The following ATXN2 variants were observed in gnomAD, a reference collection of about 807,000 sequenced individuals.
ATXN2 encodes ataxin 2, also known as ataxin-2.
Under a neutral mutation model 138.6 loss-of-function variants are expected in ATXN2, and 37 were observed. That is an observed-to-expected ratio of 0.27 (90% CI 0.21 to 0.35). The LOEUF (loss-of-function observed/expected upper bound fraction) is 0.35. Among genes scored for constraint, ATXN2 ranks in the 10% least tolerant of loss-of-function variants. The pLI is 1.00. For synonymous variants in ATXN2, 549 were observed against 543.7 expected, an observed-to-expected ratio of 1.01 and a Z score of -0.13; for missense variants, 1,216 against 1,480.3, an observed-to-expected ratio of 0.82 and a Z score of 2.93.
intron 14 of ATXN2, among the ~76,000 whole-genome samples, chr12:111,493,828 C>T (rs972970795): frequency 2.0e-5 from 3 of 152,032 alleles, no homozygotes; most frequent in African/African-American, 7.2e-5. Context: ...AGAGTTTCAC[C>T]ACGTTGGTCA....
chr12:111,488,423 A>G, intron 15 of ATXN2, 53 bp downstream of exon 15: 1 of 1,546,420 alleles, frequency 6.5e-7, no homozygotes, highest in Non-Finnish European at 8.7e-7. Context: ...ATGCCTTTAA[A>G]AAAAAAAAAG....
chr12:111,485,297 A>G lies in ATXN2; in HGVS notation c.2492T>C (p.Val831Ala). ...TGCTCTATATGTCTTGGCTTGATTC[A>G]CTGGCATGGGCGTCATAGGTATTGG... Reference protein sequence around the residue: ...LYPIPMTPMPVNQAKTYRAGK... With the variant: ...LYPIPMTPMPANQAKTYRAGK... The change falls in exon 18 of 25, where the codon GTG (valine) becomes GCG (alanine). Residue 831 changes from valine to alanine, a missense_variant. This residue lies in a region of ATXN2 where 490 missense variants were observed against 653.5 expected (regional missense o/e 0.75). Transcript: ENST00000673436. 1 of 1,613,116 alleles carries G rather than the reference A, an allele frequency of 6.2e-7. No homozygotes were observed. Among genetic ancestry groups the G allele is most frequent in the Non-Finnish European group, 8.5e-7 (1 of 1,179,428 alleles).
At chr12:111,461,606 C>T (rs1053907136) in intron 21 of ATXN2, among the ~76,000 whole-genome samples, 1 of 151,590 alleles carries the variant, frequency 6.6e-6, no homozygotes, top group African/African-American at 2.4e-5. Flanking sequence ...GACAGTGACA[C>T]AAAGCAGGGT....
intron 1 of ATXN2, among the ~76,000 whole-genome samples, chr12:111,567,763 G>A (rs1202400785): frequency 6.6e-6 from 1 of 151,872 alleles, no homozygotes; most frequent in South Asian, 2.1e-4. Context: ...GCAGTGGGCC[G>A]AGATTGGGCC....
chr12:111,585,440 G>A (rs1322489109), intron 1 of ATXN2, among the ~76,000 whole-genome samples: 2 of 151,882 alleles, frequency 1.3e-5, no homozygotes, highest in East Asian at 1.9e-4. Flanking sequence ...TAGAAGCTGG[G>A]AGGCAGAGGT....
At chr12:111,575,268 C>CT (rs1883569876) in intron 1 of ATXN2, among the ~76,000 whole-genome samples, 2 of 152,180 alleles carry the variant, frequency 1.3e-5, no homozygotes, top group South Asian at 2.1e-4. Context: ...CTCCTGCAAT[C>CT]TTTAACTCCT....
At chr12:111,491,017 C>T (rs758978429) in intron 14 of ATXN2, among the ~76,000 whole-genome samples, 2 of 151,930 alleles carry the variant, frequency 1.3e-5, no homozygotes, top group African/African-American at 2.4e-5. Context: ...TTTGGGAGGC[C>T]GAGGCGGACG....
intron 5 of ATXN2, among the ~76,000 whole-genome samples, chr12:111,540,497 C>T (rs902469250): frequency 6.6e-6 from 1 of 150,644 alleles, no homozygotes; most frequent in East Asian, 1.9e-4. Context: ...AGCTGATAGA[C>T]AATCATATTC....
chr12:111,521,257 CTCT>C (rs890992106), intron 6 of ATXN2, among the ~76,000 whole-genome samples: 2 of 152,164 alleles, frequency 1.3e-5, no homozygotes, highest in African/African-American at 4.8e-5. Context: ...TCTCTCTTTT[CTCT>C]AACCTGTAAA....
intron 18 of ATXN2, among the ~76,000 whole-genome samples, chr12:111,472,245 C>T (rs1020711515): frequency 2.6e-5 from 4 of 151,838 alleles, no homozygotes; most frequent in African/African-American, 9.7e-5. Flanking sequence ...CCAGCCTCGG[C>T]GAAGAAGTGA....
intron 8 of ATXN2, among the ~76,000 whole-genome samples, chr12:111,519,047 A>C (rs1333652897): frequency 6.6e-6 from 1 of 152,082 alleles, no homozygotes; most frequent in African/African-American, 2.4e-5. Flanking sequence ...TTTCCCCTCA[A>C]ACTTGCTCCA....
intron 1 of ATXN2, among the ~76,000 whole-genome samples, chr12:111,583,811 T>C (rs1884164060): frequency 6.7e-6 from 1 of 148,262 alleles, no homozygotes; most frequent in South Asian, 2.1e-4. Context: ...TGATTCCAGC[T>C]TAGACTGGAG....
chr12:111,463,377 C>T (rs1263698946), intron 21 of ATXN2, among the ~76,000 whole-genome samples: 1 of 152,172 alleles, frequency 6.6e-6, no homozygotes, highest in African/African-American at 2.4e-5. Flanking sequence ...TCACTGCAAC[C>T]TCCACCTCCA....
chr12:111,464,860 C>A (rs1875880327), intron 20 of ATXN2, 145 bp from the exon 21 acceptor site: 1 of 625,270 alleles, frequency 1.6e-6, no homozygotes, highest in Non-Finnish European at 2.9e-6. Context: ...TTAAACACTG[C>A]TACAGAATTT....
chr12:111,468,343 T>A (rs1876171939), intron 20 of ATXN2: 1 of 152,204 alleles, frequency 6.6e-6, no homozygotes, highest in African/African-American at 2.4e-5. Flanking sequence ...TTGAAAAAAA[T>A]GTTTTCCAAA....
rs901985990 is a variant in ATXN2, at chr12:111,457,515, C to T, written c.2897-156G>A. The T allele has an allele frequency of 1.4e-5, 11 of 813,070 alleles. No homozygotes were observed. The African/African-American group carries it at 1.9e-4, about 14-fold the overall frequency. The allele number at this position is 813,070 out of a possible 1,614,324, so 50.4% of individuals were successfully genotyped here. A position where few individuals can be genotyped will look rare whatever the true frequency, so the allele number is the denominator to read the frequency against. On this transcript the variant is annotated intron_variant, in intron 21 of 24. Coordinates refer to ENST00000673436, the MANE Select transcript of ATXN2 (RefSeq NM_001372574.1). ...TGACTCCATTTAAACCATCCATTGT[C>T]TTGAAAAAATAAGTGTAGCTATTGC...
intron 21 of ATXN2, among the ~76,000 whole-genome samples, chr12:111,463,777 G>T (rs929838808): frequency 6.6e-6 from 1 of 151,912 alleles, no homozygotes; most frequent in African/African-American, 2.4e-5. Flanking sequence ...TATCCTGAGG[G>T]GTCTGCTTCC....
At chr12:111,500,983 C>T (rs1878729555) in intron 14 of ATXN2, among the ~76,000 whole-genome samples, 1 of 152,062 alleles carries the variant, frequency 6.6e-6, no homozygotes, top group Admixed American at 6.6e-5. Flanking sequence ...ATTTGTTGTA[C>T]TTTTTAGAAT....
At chr12:111,548,634 T>A (rs1490409488) in intron 5 of ATXN2, among the ~76,000 whole-genome samples, 1 of 152,194 alleles carries the variant, frequency 6.6e-6, no homozygotes, top group East Asian at 1.9e-4. Context: ...ACACTCTATC[T>A]ATCCATTCAA....
Sources: allele counts gnomAD v4.1 joint callset (sites outside exome capture counted in the v4.1 genomes callset), GRCh38; gene constraint gnomAD v4.1.1; regional missense constraint gnomAD v4.1.1; transcripts MANE v1.5; gene names NCBI Gene and HGNC (gene_info 2026-07-23, HGNC 2026-07-21).